USP25: variants seen among roughly 807,000 people sequenced by gnomAD.
USP25 encodes the protein ubiquitin specific peptidase 25.
A neutral mutation model predicts 158.5 loss-of-function variants in USP25; 85 were observed. The observed-to-expected ratio is 0.54, with a 90% CI of 0.45 to 0.64. USP25 has a LOEUF of 0.64. Among genes scored for constraint, USP25 ranks in the 30% least tolerant of loss-of-function variants. The probability of loss-of-function intolerance (pLI) is 0.00; values close to 1 mark genes in which losing one functional copy is unlikely to be tolerated. For synonymous variants in USP25, 464 were observed against 460.4 expected (o/e 1.01, Z -0.10); for missense variants, 1,242 against 1,327.3 (o/e 0.94, Z 1.00).
intron 9 of USP25, among the ~76,000 whole-genome samples, chr21:15,814,526 T>C (rs201493658): frequency 0.054 from 4,918 of 90,398 alleles, no homozygotes; most frequent in Non-Finnish European, 0.055. Context: ...CTGATAGTGA[T>C]ATGAACAATA....
intron 5 of USP25, among the ~76,000 whole-genome samples, chr21:15,796,278 A>G (rs530485213): frequency 6.6e-6 from 1 of 151,628 alleles, no homozygotes; most frequent in East Asian, 1.9e-4. Flanking sequence ...GTGATAATCA[A>G]TGGTGATGAG....
intron 4 of USP25, among the ~76,000 whole-genome samples, chr21:15,780,645 C>T (rs936545900): frequency 1.3e-5 from 2 of 152,142 alleles, no homozygotes; most frequent in African/African-American, 4.8e-5. Context: ...TGTGTTTCAA[C>T]TAGTTATTTC....
chr21:15,809,178 AAT>A (rs1170928132), intron 8 of USP25, among the ~76,000 whole-genome samples: 1 of 152,176 alleles, frequency 6.6e-6, no homozygotes, highest in Non-Finnish European at 1.5e-5. Context: ...CAGGAATGTG[AAT>A]TGTGACAAAA....
chr21:15,864,511 G>A (rs1337413048), intron 21 of USP25, 65 bp downstream of exon 21: 5 of 1,404,766 alleles, frequency 3.6e-6, no homozygotes, highest in Non-Finnish European at 4.8e-6. Context: ...CAGATTCCCA[G>A]GATAATTTTT....
chr21:15,853,203 T>C (rs2038967974), intron 20 of USP25, among the ~76,000 whole-genome samples: 3 of 152,218 alleles, frequency 2.0e-5, no homozygotes, highest in South Asian at 4.1e-4. Context: ...TTGTAACTTA[T>C]ATCACTCAGA....
At chr21:15,803,967 C>T (rs866871836) in intron 6 of USP25, among the ~76,000 whole-genome samples, 5 of 151,814 alleles carry the variant, frequency 3.3e-5, no homozygotes, top group Non-Finnish European at 7.4e-5. Context: ...GTTGAGAATG[C>T]CAACTGTGTA....
At chr21:15,850,099 C>G (rs2038815348) in intron 20 of USP25, among the ~76,000 whole-genome samples, 1 of 151,886 alleles carries the variant, frequency 6.6e-6, no homozygotes, top group Admixed American at 6.6e-5. Context: ...TTATTTGAGT[C>G]ACTCTAATAG....
intron 5 of USP25, among the ~76,000 whole-genome samples, chr21:15,795,505 A>G (rs2146231371): frequency 6.6e-6 from 1 of 151,330 alleles, no homozygotes; most frequent in East Asian, 2.0e-4. Context: ...CTCTGTTTCA[A>G]ATTTGGGGTG....
intron 6 of USP25, among the ~76,000 whole-genome samples, chr21:15,801,259 A>T (rs1055504222): frequency 1.3e-5 from 2 of 151,476 alleles, no homozygotes; most frequent in African/African-American, 4.8e-5. Flanking sequence ...AGGCCATGTT[A>T]GTTTGTATTC....
chr21:15,792,520 A>G (rs2035644731), intron 5 of USP25, among the ~76,000 whole-genome samples: 1 of 151,484 alleles, frequency 6.6e-6, no homozygotes, highest in Non-Finnish European at 1.5e-5. Context: ...TTTTTCCTTC[A>G]TTGGACATGC....
In USP25 at chr21:15,831,412, A is replaced by T; in HGVS notation, c.1776A>T (p.Arg592=). The change falls in exon 16 of 26, where the codon CGA becomes CGT. Residue 592 remains arginine, a synonymous_variant. Transcript: ENST00000400183. ...SDKSMIQVPY[R]LHAVLVHEGQ... is the part of the protein sequence containing the mutation. ...TTTTTCACATTTAGGTTCCTTATCG[A>T]TTACATGCCGTTTTAGTTCACGAAG... The T allele has an allele frequency of 6.2e-7, 1 of 1,613,922 alleles. No individual in the cohort carries two copies. The highest frequency in any genetic ancestry group is 8.5e-7 in the Non-Finnish European group (1 of 1,179,914).
chr21:15,763,397 A>G (rs1378463628), intron 2 of USP25, among the ~76,000 whole-genome samples: 3 of 152,172 alleles, frequency 2.0e-5, no homozygotes, highest in Admixed American at 1.3e-4. Flanking sequence ...AGAAGCAGAG[A>G]TATAAATTTG....
chr21:15,804,796 G>C (rs919945855), intron 6 of USP25, among the ~76,000 whole-genome samples: 2 of 152,126 alleles, frequency 1.3e-5, no homozygotes, highest in African/African-American at 4.8e-5. Flanking sequence ...GCTGGGCCTT[G>C]CTGAATGGGA....
intron 23 of USP25, among the ~76,000 whole-genome samples, chr21:15,872,678 T>C (rs1342069591): frequency 6.6e-6 from 1 of 152,190 alleles, no homozygotes; most frequent in Non-Finnish European, 1.5e-5. Context: ...AACAAATTCC[T>C]AGAAAGCCGT....
intron 10 of USP25, among the ~76,000 whole-genome samples, chr21:15,820,834 T>C (rs539109830): frequency 2.0e-5 from 3 of 152,042 alleles, no homozygotes; most frequent in African/African-American, 7.2e-5. Context: ...TTTGCTGAAA[T>C]AGCTGTGGCC....
intron 3 of USP25, among the ~76,000 whole-genome samples, chr21:15,773,554 C>T (rs971402813): frequency 1.3e-5 from 2 of 151,868 alleles, no homozygotes; most frequent in African/African-American, 4.8e-5. Context: ...TATCTTTTGC[C>T]AGTTATTTCA....
At chr21:15,797,625 A>G (rs573487191) in intron 5 of USP25, among the ~76,000 whole-genome samples, 2 of 151,460 alleles carry the variant, frequency 1.3e-5, no homozygotes, top group South Asian at 2.1e-4. Flanking sequence ...AAAATTCTCT[A>G]TCTACAATGG....
chr21:15,743,872 T>G (rs1254953853), intron 1 of USP25: 1 of 155,052 alleles, frequency 6.4e-6, no homozygotes. Flanking sequence ...GAAACAGCTC[T>G]GCGCAGGCCT....
In USP25 at chr21:15,872,030, T is replaced by G. The variant is rs865904333; in HGVS notation, c.2885+1883T>G. Among the ~76,000 whole-genome samples, 337 of 147,902 alleles carry G rather than the reference T, an allele frequency of 2.3e-3. 1 individual carries two copies. The highest frequency in any genetic ancestry group is 7.9e-3 in the African/African-American group (321 of 40,714). ...AGAAATACTGTTTTTTTTTTTTTTT[T>G]TTTTTTTTTTACTTTAAATCTTTAA... On this transcript the variant is annotated intron_variant, in intron 23 of 25. Coordinates refer to ENST00000400183, the MANE Select transcript of USP25 (RefSeq NM_001283041.3).
Sources: allele counts gnomAD v4.1 joint callset (sites outside exome capture counted in the v4.1 genomes callset), GRCh38; gene constraint gnomAD v4.1.1; transcripts MANE v1.5; gene names NCBI Gene and HGNC (gene_info 2026-07-23, HGNC 2026-07-21).